CREBBP: variants seen among roughly 807,000 people sequenced by gnomAD.
The protein encoded by CREBBP is CREB binding lysine acetyltransferase.
CREBBP carries 19 observed loss-of-function variants against 265.0 expected under a neutral mutation model. The observed-to-expected ratio is 0.07, with a 90% CI of 0.05 to 0.11. CREBBP has a LOEUF of 0.11. Ranked by LOEUF, CREBBP falls within the 10% of genes least tolerant of loss-of-function variation. The pLI, the probability that CREBBP is intolerant of heterozygous loss-of-function variation, is 1.00. For synonymous variants in CREBBP, 1,457 were observed against 1,223.7 expected (o/e 1.19, Z -3.98); for missense variants, 2,525 against 3,219.0 (o/e 0.78, Z 5.22).
At chr16:3,814,512 C>T (rs753239309) in intron 2 of CREBBP, among the ~76,000 whole-genome samples, 1 of 152,074 alleles carries the variant, frequency 6.6e-6, no homozygotes, top group African/African-American at 2.4e-5. Flanking sequence ...CACCTCAAGC[C>T]TCCCCAGGTG....
At chr16:3,834,664 A>C (rs1233145694) in intron 2 of CREBBP, among the ~76,000 whole-genome samples, 1 of 152,182 alleles carries the variant, frequency 6.6e-6, no homozygotes, top group African/African-American at 2.4e-5. Flanking sequence ...ACCCTAGTGT[A>C]AACTACAGAC....
intron 3 of CREBBP, among the ~76,000 whole-genome samples, chr16:3,803,676 C>T (rs532713050): frequency 1.3e-5 from 2 of 152,022 alleles, no homozygotes; most frequent in East Asian, 1.9e-4. Context: ...TGGCCAAGGG[C>T]GAGGGACTTG....
chr16:3,783,053 G>A, intron 5 of CREBBP, 127 bp from the exon 6 acceptor site: 1 of 1,261,478 alleles, frequency 7.9e-7, no homozygotes, highest in Non-Finnish European at 1.1e-6. Context: ...ATATCATAAA[G>A]CAGTAAACAA....
intron 5 of CREBBP, among the ~76,000 whole-genome samples, chr16:3,784,748 C>T (rs1318545788): frequency 6.6e-6 from 1 of 152,170 alleles, no homozygotes. Flanking sequence ...TTTATCCACA[C>T]CTCCCCAAGT....
chr16:3,788,023 T>A (rs2053426322), intron 5 of CREBBP, among the ~76,000 whole-genome samples: 1 of 152,116 alleles, frequency 6.6e-6, no homozygotes, highest in African/African-American at 2.4e-5. Flanking sequence ...AGATGGAACA[T>A]GTTGCCAGGT....
Position 3,728,281 on chromosome 16 carries a change from G to A in CREBBP, c.6766C>T (p.Leu2256Phe), listed in dbSNP as rs752887380. Residue 2256 changes from leucine to phenylalanine, a missense_variant, in exon 31 of 31, where the codon CTC (leucine) becomes TTC (phenylalanine). By Grantham distance (22) the Leu-to-Phe change is conservative. This residue lies in a region of CREBBP where 473 missense variants were observed against 459.3 expected (regional missense o/e 1.03). Transcript: ENST00000262367. This position sits in a 1 kb window ranked among gnomAD's most constrained non-coding sequence, Gnocchi z 8.7. ...QQQRMQQHLP[L>F]QGSSMGQMAA... ...ATCTGGCCCATGGAGCTGCCCTGGA[G>A]GGGGAGATGCTGCTGCATGCGCTGC... 1.2e-6 allele frequency: 2 copies of A among 1,612,172 alleles called. No individual in the cohort carries two copies. The highest frequency in any genetic ancestry group is 1.1e-5 in the South Asian group (1 of 91,034).
At position 3,769,156 on chromosome 16, in the gene CREBBP, C is replaced by G. The variant is rs1182613358; in HGVS notation, c.3060+18G>C. ...GTTGCGATACGCAGTCAATGCATTCCTAGGGAGCGGCACCCACCTCAGACC... is the reference window on the plus strand; with the variant it reads ...GTTGCGATACGCAGTCAATGCATTCGTAGGGAGCGGCACCCACCTCAGACC... On this transcript the variant is annotated intron_variant, in intron 15 of 30. Coordinates refer to ENST00000262367, the MANE Select transcript of CREBBP (RefSeq NM_004380.3). 1 of 1,613,682 alleles carries G rather than the reference C, an allele frequency of 6.2e-7. No individual in the cohort carries two copies. The highest frequency in any genetic ancestry group is 8.5e-7 in the Non-Finnish European group (1 of 1,179,984).
chr16:3,747,816 G>A (rs1057315153), intron 21 of CREBBP, among the ~76,000 whole-genome samples: 6 of 151,522 alleles, frequency 4.0e-5, no homozygotes, highest in African/African-American at 1.2e-4. Context: ...CAGGCTGGGT[G>A]CGGTGGCTCA....
intron 11 of CREBBP, among the ~76,000 whole-genome samples, chr16:3,776,145 T>C (rs1035476808): frequency 6.6e-6 from 1 of 152,148 alleles, no homozygotes; most frequent in Non-Finnish European, 1.5e-5. Context: ...CTCAAACTCC[T>C]GACCTCAAGT....
At chr16:3,859,289 T>A (rs2055025354) in intron 1 of CREBBP, among the ~76,000 whole-genome samples, 1 of 152,094 alleles carries the variant, frequency 6.6e-6, no homozygotes, top group African/African-American at 2.4e-5. Flanking sequence ...ACTTCCCGGA[T>A]TCAAACAATT....
intron 28 of CREBBP, 121 bp from the exon 29 acceptor site, chr16:3,732,058 AC>A (rs2051932301): frequency 6.4e-7 from 1 of 1,574,244 alleles, no homozygotes; most frequent in South Asian, 1.1e-5. Context: ...CACCAGGCAG[AC>A]CCCATACGTG....
chr16:3,879,065 C>A (rs1395469653), intron 1 of CREBBP, among the ~76,000 whole-genome samples: 2 of 152,146 alleles, frequency 1.3e-5, no homozygotes, highest in Non-Finnish European at 2.9e-5. Context: ...GAAAGCAACA[C>A]AAACTCAAAT....
intron 1 of CREBBP, among the ~76,000 whole-genome samples, chr16:3,851,824 G>A (rs1212455190): frequency 7.8e-4 from 98 of 125,248 alleles, no homozygotes; most frequent in African/African-American, 2.1e-3. Context: ...ACTGCAGTCC[G>A]CAGTCCGACC....
At chr16:3,786,374 A>G (rs2053387839) in intron 5 of CREBBP, among the ~76,000 whole-genome samples, 1 of 152,174 alleles carries the variant, frequency 6.6e-6, no homozygotes, top group Admixed American at 6.5e-5. Flanking sequence ...AAAAAACAAA[A>G]GAAAAAAGGA....
At chr16:3,871,932 C>T (rs976091230) in intron 1 of CREBBP, among the ~76,000 whole-genome samples, 10 of 152,106 alleles carry the variant, frequency 6.6e-5, no homozygotes, top group African/African-American at 2.4e-4. Context: ...GACAGTACAA[C>T]TAGAAATGGG....
chr16:3,771,745 C>T (rs927006653), intron 13 of CREBBP, among the ~76,000 whole-genome samples: 1 of 150,344 alleles, frequency 6.7e-6, no homozygotes, highest in Non-Finnish European at 1.5e-5. Flanking sequence ...CCTGGGGGCA[C>T]AGAGTGGGAT....
intron 11 of CREBBP, among the ~76,000 whole-genome samples, chr16:3,775,921 CT>C (rs35453514): frequency 0.97 from 142,530 of 146,892 alleles, 69,158 homozygotes; most frequent in East Asian, 1. Context: ...TGATTTCTTT[CT>C]TTTTTTTTTT....
chr16:3,869,674 G>C (rs549314435), intron 1 of CREBBP, among the ~76,000 whole-genome samples: 1 of 152,116 alleles, frequency 6.6e-6, no homozygotes, highest in Non-Finnish European at 1.5e-5. Flanking sequence ...CACGTGGCTC[G>C]TGGTTCCAGT....
intron 25 of CREBBP, among the ~76,000 whole-genome samples, chr16:3,739,267 C>T (rs145551026): frequency 2.6e-5 from 4 of 152,276 alleles, no homozygotes; most frequent in East Asian, 3.9e-4. Context: ...ATGAAGCCCT[C>T]GTGGCAGAGC....
Sources: gnomAD v4.1 joint callset for allele counts (sites outside exome capture counted in the v4.1 genomes callset) on GRCh38, gnomAD v4.1.1 for gene constraint, gnomAD v4.1.1 regional missense constraint, Gnocchi (gnomAD v3.1) non-coding constraint, MANE v1.5 for transcripts, NCBI Gene and HGNC (gene_info 2026-07-23, HGNC 2026-07-21) for gene names.